RGS7: variants seen among roughly 807,000 people sequenced by gnomAD.
The protein encoded by RGS7 is regulator of G protein signaling 7, also known as regulator of G-protein signaling 7.
Under a neutral mutation model 81.1 loss-of-function variants are expected in RGS7, and 27 were observed. The observed-to-expected ratio is 0.33, with a 90% confidence interval of 0.25 to 0.46. The LOEUF (loss-of-function observed/expected upper bound fraction) is 0.46, where lower values mean the gene tolerates loss of function less well. Ranked by LOEUF, RGS7 falls within the 20% of genes least tolerant of loss-of-function variation. The probability of loss-of-function intolerance (pLI) is 1.00; values close to 1 mark genes in which losing one functional copy is unlikely to be tolerated. For synonymous variants in RGS7, 208 were observed against 207.7 expected, an observed-to-expected ratio of 1.00 and a Z score of -0.01; for missense variants, 396 against 607.4, an observed-to-expected ratio of 0.65 and a Z score of 3.66.
At chr1:241,060,267 T>C (rs921863609) in intron 3 of RGS7, among the ~76,000 whole-genome samples, 1 of 152,098 alleles carries the variant, frequency 6.6e-6, no homozygotes, top group Non-Finnish European at 1.5e-5. Context: ...CCACTTACAG[T>C]GAAAAATAGT....
chr1:241,111,357 G>A (rs771386407), intron 2 of RGS7, among the ~76,000 whole-genome samples: 67 of 152,054 alleles, frequency 4.4e-4, no homozygotes, highest in Non-Finnish European at 8.8e-4. Context: ...CATGGTATTC[G>A]TACATCCATA....
At chr1:240,807,873 A>T (rs957518893) in intron 14 of RGS7, among the ~76,000 whole-genome samples, 1 of 151,976 alleles carries the variant, frequency 6.6e-6, no homozygotes, top group African/African-American at 2.4e-5. Flanking sequence ...CATCTCTACT[A>T]ATAATACAAA....
At chr1:241,132,912 A>G (rs7555462) in intron 2 of RGS7, among the ~76,000 whole-genome samples, 33,367 of 151,734 alleles carry the variant, frequency 0.22, 7,446 homozygotes, top group African/African-American at 0.58. Flanking sequence ...ACAGGTGCCC[A>G]CCACCAAGCC....
At chr1:240,828,761 T>G (rs572351531) in intron 9 of RGS7, among the ~76,000 whole-genome samples, 1 of 152,332 alleles carries the variant, frequency 6.6e-6, no homozygotes, top group South Asian at 2.1e-4. Flanking sequence ...CACGCTAGCC[T>G]GGGCAACAAG....
chr1:241,067,850 G>T (rs1381361640), intron 3 of RGS7, among the ~76,000 whole-genome samples: 1 of 149,056 alleles, frequency 6.7e-6, no homozygotes, highest in African/African-American at 2.4e-5. Flanking sequence ...ATACCTGCAA[G>T]TAGATTAATT....
At chr1:241,355,179 A>C (rs1351333061) in intron 2 of RGS7, among the ~76,000 whole-genome samples, 4 of 152,248 alleles carry the variant, frequency 2.6e-5, no homozygotes, top group Admixed American at 2.6e-4. Context: ...CAGAAAGTAA[A>C]AAATAATTTA....
intron 3 of RGS7, among the ~76,000 whole-genome samples, chr1:241,088,164 T>C (rs1558698615): frequency 6.6e-6 from 1 of 150,608 alleles, no homozygotes; most frequent in Non-Finnish European, 1.5e-5. Flanking sequence ...GCATTTTAGA[T>C]GGAGGAAAAA....
chr1:240,906,682 C>T lies in RGS7; in HGVS notation c.385+24035G>A, dbSNP rs146730261. On this transcript the variant is annotated intron_variant, in intron 6 of 18. Transcript: ENST00000440928. ...TTGCTTTTATTATAACAGCTGGCAG[C>T]TGGCCAAAGCTTTGCAAAGAAACCA... 9.2e-5 allele frequency among the ~76,000 whole-genome samples: 14 copies of T among 152,310 alleles called. No homozygotes were observed. In the East Asian group the frequency reaches 1.5e-3, roughly 17 times the overall value.
intron 4 of RGS7, among the ~76,000 whole-genome samples, chr1:240,960,397 C>T (rs551355342): frequency 6.6e-6 from 1 of 150,656 alleles, no homozygotes; most frequent in East Asian, 2.0e-4. Context: ...GGGCACAGCA[C>T]CATGCCCAGC....
intron 2 of RGS7, among the ~76,000 whole-genome samples, chr1:241,295,343 C>T (rs1352029790): frequency 1.4e-5 from 2 of 147,030 alleles, no homozygotes; most frequent in Non-Finnish European, 3.0e-5. Context: ...ATCCCAGCTA[C>T]TTGGGAGGAT....
At chr1:240,986,002 T>C (rs771050999) in intron 3 of RGS7, among the ~76,000 whole-genome samples, 1 of 151,766 alleles carries the variant, frequency 6.6e-6, no homozygotes, top group African/African-American at 2.4e-5. Flanking sequence ...AATGGCTGGG[T>C]CTGCTGAAGT....
chr1:241,270,979 A>G (rs4660056), intron 2 of RGS7, among the ~76,000 whole-genome samples: 128,919 of 151,892 alleles, frequency 0.85, 54,902 homozygotes, highest in East Asian at 1. Flanking sequence ...GGATGGTCTC[A>G]ATCTCCTGAC....
chr1:241,121,761 A>G (rs1320328824), intron 2 of RGS7, among the ~76,000 whole-genome samples: 1 of 104,538 alleles, frequency 9.6e-6, no homozygotes, highest in African/African-American at 4.0e-5. Flanking sequence ...TCTGGTACCC[A>G]GTCTAGAGTA....
chr1:240,788,119 A>C (rs1255885079), intron 18 of RGS7, among the ~76,000 whole-genome samples: 1 of 152,240 alleles, frequency 6.6e-6, no homozygotes, highest in Non-Finnish European at 1.5e-5. Flanking sequence ...AGTGTCACTC[A>C]GATTTAATTT....
At chr1:240,786,073 C>G (rs1685012813) in intron 18 of RGS7, among the ~76,000 whole-genome samples, 1 of 152,160 alleles carries the variant, frequency 6.6e-6, no homozygotes, top group South Asian at 2.1e-4. Flanking sequence ...GTACTGGTCA[C>G]TAGCTTCCTA....
intron 2 of RGS7, among the ~76,000 whole-genome samples, chr1:241,278,072 C>T (rs1030300058): frequency 1.3e-5 from 2 of 152,156 alleles, no homozygotes; most frequent in African/African-American, 2.4e-5. Context: ...GCCGTCACAG[C>T]GATGCTTCCT....
At chr1:240,908,740 T>C (rs1377746171) in intron 6 of RGS7, among the ~76,000 whole-genome samples, 1 of 152,206 alleles carries the variant, frequency 6.6e-6, no homozygotes, top group African/African-American at 2.4e-5. Context: ...CTGATTCAAT[T>C]AATTCACAAG....
At chr1:240,975,920 A>G (rs988187097) in intron 4 of RGS7, among the ~76,000 whole-genome samples, 2 of 130,234 alleles carry the variant, frequency 1.5e-5, no homozygotes, top group Non-Finnish European at 3.5e-5. Flanking sequence ...TGTGCATTGT[A>G]TAGTCCTTCC....
intron 9 of RGS7, among the ~76,000 whole-genome samples, chr1:240,861,199 T>G (rs531955150): frequency 6.6e-6 from 1 of 152,296 alleles, no homozygotes; most frequent in South Asian, 2.1e-4. Flanking sequence ...TTCTCACTAC[T>G]TTGTGATTAG....
Sources: gnomAD v4.1 joint callset for allele counts (sites outside exome capture counted in the v4.1 genomes callset) on GRCh38, gnomAD v4.1.1 for gene constraint, MANE v1.5 for transcripts, NCBI Gene and HGNC (gene_info 2026-07-23, HGNC 2026-07-21) for gene names.